CCNJL: variants seen among roughly 807,000 people sequenced by gnomAD.
CCNJL encodes cyclin-J-like protein.
In CCNJL, 33 loss-of-function variants were observed where a neutral mutation model predicts 33.4. The observed-to-expected ratio is 0.99, with a 90% CI of 0.75 to 1.32. The LOEUF (loss-of-function observed/expected upper bound fraction) is 1.32. CCNJL is among the 40% of genes most tolerant of loss of function. The probability of loss-of-function intolerance (pLI) is 0.00; values close to 1 mark genes in which losing one functional copy is unlikely to be tolerated. For synonymous variants in CCNJL, 227 were observed against 220.9 expected (o/e 1.03, Z -0.24); for missense variants, 512 against 499.7 (o/e 1.02, Z -0.23).
rs78560452 is a variant in CCNJL at position 160,334,501 on chromosome 5, A to T, written n.206+4944T>A. ...ATAGGTGCCTGACATACAGTAAGTC[A>T]TTTAATCCTCACGACAACCTTATGA... On this transcript the variant is annotated intron_variant and non_coding_transcript_variant, in intron 1 of 7. Coordinates refer to the CCNJL transcript ENST00000377503. 6.1e-3 allele frequency among the ~76,000 whole-genome samples: 922 copies of T among 152,324 alleles called. 8 individuals carry two copies. Among genetic ancestry groups the T allele is most frequent in the African/African-American group, 0.021 (856 of 41,560 alleles).
intron 3 of CCNJL, 67 bp from the exon 4 acceptor site, chr5:160,259,838 C>A: frequency 7.3e-7 from 1 of 1,378,590 alleles, no homozygotes; most frequent in Non-Finnish European, 1.0e-6. Flanking sequence ...AGCTAACGGC[C>A]CACCTTACAG....
chr5:160,335,918 G>A (rs1763678774), intron 1 of CCNJL, among the ~76,000 whole-genome samples: 1 of 152,058 alleles, frequency 6.6e-6, no homozygotes, highest in Non-Finnish European at 1.5e-5. Flanking sequence ...TTGGTTTCCA[G>A]CATCACAGTC....
upstream of CCNJL, among the ~76,000 whole-genome samples, chr5:160,314,679 A>G (rs1450740363): frequency 6.6e-6 from 1 of 152,264 alleles, no homozygotes; most frequent in East Asian, 1.9e-4. Flanking sequence ...AACAAATGTG[A>G]CAAAAGGTTG....
At chr5:160,264,385 G>T (rs1464660125) in intron 3 of CCNJL, among the ~76,000 whole-genome samples, 2 of 152,038 alleles carry the variant, frequency 1.3e-5, no homozygotes. Flanking sequence ...GCATGTGGCT[G>T]GCTGATCCCT....
intron 2 of CCNJL, among the ~76,000 whole-genome samples, chr5:160,295,821 C>T (rs1254154992): frequency 6.6e-6 from 1 of 152,214 alleles, no homozygotes; most frequent in Non-Finnish European, 1.5e-5. Flanking sequence ...TGTCAGACTT[C>T]TGGTCTCCAC....
chr5:160,269,683 T>C, intron 3 of CCNJL: 2 of 350,738 alleles, frequency 5.7e-6, no homozygotes, highest in South Asian at 4.2e-5. Context: ...AATGCTGCTC[T>C]GCTGGCTCAG....
chr5:160,321,080 T>TTCTTTCCTTCTC (rs1763456533), intron 1 of CCNJL, among the ~76,000 whole-genome samples: 1 of 97,888 alleles, frequency 1.0e-5, no homozygotes, highest in Non-Finnish European at 2.1e-5. Flanking sequence ...CTTTCTTTCT[T>TTCTTTCCTTCTC]TCTTTCTTTC....
chr5:160,253,610 T>C lies in CCNJL; in HGVS notation c.932A>G (p.Asp311Gly). The change falls in exon 6 of 6, where the codon GAC (aspartate) becomes GGC (glycine). Residue 311 changes from aspartate to glycine, a missense_variant. Asp to Gly is a moderately conservative substitution (Grantham distance 94, BLOSUM62 -1). Transcript: ENST00000257536. ...CCCTGAACGGTGGGCCTGCAAGGAG[T>C]CCCGATAGGCCAAGCATAGGTCCTG... ...PVQDLCLAYR[D>G]SLQAHRSGSL... The C allele has an allele frequency of 6.2e-7, 1 of 1,612,962 alleles. No homozygotes were observed. The highest frequency in any genetic ancestry group is 8.5e-7 in the Non-Finnish European group (1 of 1,179,620).
chr5:160,299,855 A>G (rs1762870250), intron 2 of CCNJL, among the ~76,000 whole-genome samples: 1 of 151,118 alleles, frequency 6.6e-6, no homozygotes, highest in South Asian at 2.1e-4. Flanking sequence ...TTTTTTTTAC[A>G]ATAATCAGAA....
At chr5:160,307,211 G>A (rs1763121756) in intron 2 of CCNJL, among the ~76,000 whole-genome samples, 2 of 152,220 alleles carry the variant, frequency 1.3e-5, no homozygotes, top group Admixed American at 6.5e-5. Flanking sequence ...GGGACACCCT[G>A]AGGTCCCTCT....
Position 160,253,259 on chromosome 5 carries a change from C to T in CCNJL, c.*119G>A. 1 of 937,622 alleles carries T rather than the reference C, an allele frequency of 1.1e-6. No individual in the cohort carries two copies. Among genetic ancestry groups the T allele is most frequent in the African/African-American group, 1.7e-5 (1 of 60,544 alleles). 58.1% of individuals were successfully genotyped at this position (937,622 alleles called of 1,614,324 possible). A position where few individuals can be genotyped will look rare whatever the true frequency, so the allele number is the denominator to read the frequency against. On this transcript the variant is annotated 3_prime_UTR_variant, in exon 6 of 6. Transcript: ENST00000257536. ...TTATTTAAAAGGAGCACAGACCCTC[C>T]ACGTTCCAAGGCTCTTCAGGGATGG...
At chr5:160,329,505 C>T (rs1363019938) in intron 1 of CCNJL, among the ~76,000 whole-genome samples, 1 of 152,046 alleles carries the variant, frequency 6.6e-6, no homozygotes, top group Non-Finnish European at 1.5e-5. Flanking sequence ...CGCCCACCAC[C>T]ACGCCGGCTA....
chr5:160,253,310 C>G lies in CCNJL; in HGVS notation c.*68G>C, dbSNP rs765432135. Reference sequence around the variant, plus strand: ...CCTCCTGCTGCCTCACTTGGCTGAGCTCTCCTCTTCAGTGTCCTCTTCCTC... The same window carrying G: ...CCTCCTGCTGCCTCACTTGGCTGAGGTCTCCTCTTCAGTGTCCTCTTCCTC... On this transcript the variant is annotated 3_prime_UTR_variant, in exon 6 of 6. Coordinates refer to ENST00000257536, the MANE Select transcript of CCNJL (RefSeq NM_001308173.3). 7 of 1,463,600 alleles carry G rather than the reference C, an allele frequency of 4.8e-6. No individual in the cohort carries two copies. The highest frequency in any genetic ancestry group is 6.4e-6 in the Non-Finnish European group (7 of 1,091,640). The allele number at this position is 1,463,600 out of a possible 1,614,324, so 90.7% of individuals were successfully genotyped here.
chr5:160,274,045 T>G (rs898052684), intron 3 of CCNJL, among the ~76,000 whole-genome samples: 1 of 152,012 alleles, frequency 6.6e-6, no homozygotes, highest in African/African-American at 2.4e-5. Context: ...TCCAGAAAAA[T>G]ACACCAGATC....
chr5:160,262,704 T>C (rs981520883), intron 3 of CCNJL, among the ~76,000 whole-genome samples: 3 of 152,198 alleles, frequency 2.0e-5, no homozygotes, highest in Admixed American at 6.5e-5. Flanking sequence ...AGAACTCAGC[T>C]TCTACACCCA....
chr5:160,322,158 GATGACCCC>G (rs1437473169), intron 1 of CCNJL, among the ~76,000 whole-genome samples: 1 of 152,184 alleles, frequency 6.6e-6, no homozygotes, highest in African/African-American at 2.4e-5. Context: ...AAAGAAATCA[GATGACCCC>G]AGGTTTTACC....
intron 2 of CCNJL, among the ~76,000 whole-genome samples, chr5:160,286,455 TG>T (rs1207440199): frequency 6.6e-6 from 1 of 152,052 alleles, no homozygotes; most frequent in Admixed American, 6.6e-5. Flanking sequence ...CTGGTCGTCA[TG>T]GCAAAACCCC....
intron 2 of CCNJL, chr5:160,295,099 T>G (rs1762712300): frequency 2.6e-5 from 4 of 152,308 alleles, no homozygotes; most frequent in Admixed American, 2.6e-4. Context: ...TCAAATCCCC[T>G]GGGGACCTAT....
intron 2 of CCNJL, among the ~76,000 whole-genome samples, chr5:160,304,483 T>A (rs1763028753): frequency 6.6e-6 from 1 of 151,936 alleles, no homozygotes; most frequent in African/African-American, 2.4e-5. Flanking sequence ...CTCCAGGGGG[T>A]CATGAGGGCA....
Sources: allele counts gnomAD v4.1 joint callset (sites outside exome capture counted in the v4.1 genomes callset), GRCh38; gene constraint gnomAD v4.1.1; transcripts MANE v1.5; gene names NCBI Gene and HGNC (gene_info 2026-07-23, HGNC 2026-07-21).